Variants in HOXB2 observed in about 807,000 individuals in gnomAD.
HOXB2 encodes the protein homeobox B2.
Under a neutral mutation model 13.1 loss-of-function variants are expected in HOXB2, and 14 were observed. The observed-to-expected ratio is 1.07, with a 90% confidence interval of 0.71 to 1.67. The LOEUF (loss-of-function observed/expected upper bound fraction) is 1.67, where lower values mean the gene tolerates loss of function less well. Among genes scored for constraint, HOXB2 ranks in the 40% most tolerant of loss-of-function variants. HOXB2 has a pLI of 0.00. For missense variants in HOXB2, 582 were observed against 488.3 expected (o/e 1.19, Z -1.81); for synonymous variants, 261 against 233.1 (o/e 1.12, Z -1.09).
At position 48,543,738 on chromosome 17, in the gene HOXB2, C is replaced by A. The variant is rs1306709346; in HGVS notation, c.401G>T (p.Gly134Val). 6 of 1,599,584 alleles carry A rather than the reference C, an allele frequency of 3.8e-6. No homozygotes were observed. The highest frequency in any genetic ancestry group is 1.3e-5 in the African/African-American group (1 of 74,778). ...CCCGCCGCCACCAGCCTCCGGCAGT[C>A]CCAGGCCATCTGCAGGGAAAACAGG... is the stretch of plus-strand genomic sequence containing the variant. ...SGVGSPADGL[G>V]LPEAGGGGAR... is the part of the protein sequence containing the mutation. The change falls in exon 2 of 2, where the codon GGA (glycine) becomes GTA (valine). Residue 134 changes from glycine (G) to valine (V), a missense_variant. Coordinates refer to ENST00000330070, the MANE Select transcript of HOXB2 (RefSeq NM_002145.4).
Position 48,544,940 on chromosome 17 carries a change from T to TGGGGGGGGGGGGGGGGGTGGGGGGGGGGG in HOXB2, c.-30_-29insCCCCCCCCCCCACCCCCCCCCCCCCCCCC. 1 of 271,684 alleles carries TGGGGGGGGGGGGGGGGGTGGGGGGGGGGG rather than the reference T, an allele frequency of 3.7e-6. No homozygotes were observed. Among genetic ancestry groups the TGGGGGGGGGGGGGGGGGTGGGGGGGGGGG allele is most frequent in the East Asian group, 6.3e-5 (1 of 15,968 alleles). 16.8% of individuals were successfully genotyped at this position (271,684 alleles called of 1,614,324 possible). A position where few individuals can be genotyped will look rare whatever the true frequency, so the allele number is the denominator to read the frequency against. ...TTTCAATGGTGGGGGAGGGGGCTGC[T>TGGGGGGGGGGGGGGGGGTGGGGGGGGGGG]GGGGGGGGCGTCAGGAGGGAGGATC... is the stretch of plus-strand genomic sequence containing the variant. On this transcript the variant is annotated 5_prime_UTR_variant, in exon 1 of 2. Transcript: ENST00000330070.
chr17:48,544,974 CCCCCCTCCTGCA>C lies in HOXB2; in HGVS notation c.-75_-64del. On this transcript the variant is annotated 5_prime_UTR_variant, in exon 1 of 2. Coordinates refer to ENST00000330070, the MANE Select transcript of HOXB2 (RefSeq NM_002145.4). ...CGTCAGGAGGGAGGATCGGAAGGGA[CCCCCCTCCTGCA>C]CCCCCCCCGATTTATGTAATGGAGC... is the stretch of plus-strand genomic sequence containing the variant. 1 of 1,115,906 alleles carries C rather than the reference CCCCCCTCCTGCA, an allele frequency of 9.0e-7. No individual in the cohort carries two copies. The highest frequency in any genetic ancestry group is 1.2e-6 in the Non-Finnish European group (1 of 858,106). 69.1% of individuals were successfully genotyped at this position (1,115,906 alleles called of 1,614,324 possible).
At position 48,543,152 on chromosome 17, in the gene HOXB2, A is replaced by G; in HGVS notation, c.987T>C (p.Ser329=). ...SGGLSPSLQG[S]LDSPVPFSEE... is the part of the protein sequence containing the mutation. Reference sequence around the variant, plus strand: ...CGGAAAAAGGGACCGGGCTGTCGAGAGAACCCTGTAGGCTAGGGGAGAGGC... The same window carrying G: ...CGGAAAAAGGGACCGGGCTGTCGAGGGAACCCTGTAGGCTAGGGGAGAGGC... The change falls in exon 2 of 2, where the codon TCT becomes TCC. Residue 329 remains serine (S), a synonymous_variant. Transcript: ENST00000330070. 6.2e-7 allele frequency: 1 copy of G among 1,613,784 alleles called. No individual in the cohort carries two copies. The highest frequency in any genetic ancestry group is 8.5e-7 in the Non-Finnish European group (1 of 1,179,948).
Position 48,544,647 on chromosome 17 carries a change from C to A in HOXB2, c.265G>T (p.Ala89Ser). 1 of 1,611,880 alleles carries A rather than the reference C, an allele frequency of 6.2e-7. No individual in the cohort carries two copies. Among genetic ancestry groups the A allele is most frequent in the African/African-American group, 1.3e-5 (1 of 74,988 alleles). Reference protein sequence around the residue: ...PPPPPPPLPAAPPAPEFPWMK... With the variant: ...PPPPPPPLPASPPAPEFPWMK... ...CAAGGGAACTCGGGGGCCGGGGGGGCAGCGGGGAGTGGCGGCGGCGGTGGC... is the reference window on the plus strand; with the variant it reads ...CAAGGGAACTCGGGGGCCGGGGGGGAAGCGGGGAGTGGCGGCGGCGGTGGC... Residue 89 changes from alanine to serine, a missense_variant, in exon 1 of 2, where the codon GCC becomes TCC. By Grantham distance (99) the Ala-to-Ser change is moderately conservative. Coordinates refer to ENST00000330070, the MANE Select transcript of HOXB2 (RefSeq NM_002145.4).
Position 48,543,360 on chromosome 17 carries a change from G to C in HOXB2, c.779C>G (p.Pro260Arg), listed in dbSNP as rs1317880704. Reference protein sequence around the residue: ...EVVPGALSADPRPLAVRLEGA... With the variant: ...EVVPGALSADRRPLAVRLEGA... ...CTCTAAGCGAACGGCTAAAGGCCGGGGGTCCGCGCTTAAGGCCCCCGGCAC... is the reference window on the plus strand; with the variant it reads ...CTCTAAGCGAACGGCTAAAGGCCGGCGGTCCGCGCTTAAGGCCCCCGGCAC... The change falls in exon 2 of 2, where the codon CCC becomes CGC. Residue 260 changes from proline (P) to arginine (R), a missense_variant. Physicochemically the swap from Pro to Arg is moderately radical, Grantham distance 103. Transcript: ENST00000330070. 6.3e-7 allele frequency: 1 copy of C among 1,593,776 alleles called. No homozygotes were observed. Among genetic ancestry groups the C allele is most frequent in the South Asian group, 1.1e-5 (1 of 90,152 alleles).
Position 48,545,067 on chromosome 17 carries a change from A to C in HOXB2, c.-156T>G. On this transcript the variant is annotated 5_prime_UTR_variant, in exon 1 of 2. Transcript: ENST00000330070. ...TTTTTTTTAATTTTGGGCCTTTATA[A>C]TTGTATATTGCTGATAAATACAAGC... is the stretch of plus-strand genomic sequence containing the variant. The C allele has an allele frequency of 1.6e-6, 1 of 614,738 alleles. No individual in the cohort carries two copies. Among genetic ancestry groups the C allele is most frequent in the Non-Finnish European group, 2.8e-6 (1 of 361,460 alleles). 38.1% of individuals were successfully genotyped at this position (614,738 alleles called of 1,614,324 possible).
chr17:48,543,640 A>G lies in HOXB2; in HGVS notation c.499T>C (p.Tyr167His). ...ELEKEFHFNK[Y>H]LCRPRRVEIA... ...TCGACGCGGCGTGGCCGGCACAGGT[A>G]CTTATTAAAGTGGAATTCCTTCTCC... The change falls in exon 2 of 2, where the codon TAC becomes CAC. Residue 167 changes from tyrosine to histidine, a missense_variant. By Grantham distance (83) the Tyr-to-His change is moderately conservative (BLOSUM62 2). Coordinates refer to ENST00000330070, the MANE Select transcript of HOXB2 (RefSeq NM_002145.4). 1 of 1,613,502 alleles carries G rather than the reference A, an allele frequency of 6.2e-7. No individual in the cohort carries two copies. Among genetic ancestry groups the G allele is most frequent in the Non-Finnish European group, 8.5e-7 (1 of 1,179,940 alleles).
intron 1 of HOXB2, 33 bp from the exon 2 acceptor site, chr17:48,543,780 G>A (rs758004035): frequency 6.4e-7 from 1 of 1,556,180 alleles, no homozygotes; most frequent in Non-Finnish European, 8.7e-7. Context: ...GTCATAGCGG[G>A]CCGTGTACTC....
Position 48,543,105 on chromosome 17 carries a change from G to A in HOXB2, c.1034C>T (p.Thr345Ile). Residue 345 changes from threonine to isoleucine, a missense_variant, in exon 2 of 2, where the codon ACC becomes ATC. By Grantham distance (89) the Thr-to-Ile change is moderately conservative. Coordinates refer to ENST00000330070, the MANE Select transcript of HOXB2 (RefSeq NM_002145.4). ...CAGGTCGATGGCACAGAGCGTACTGGTGAAAAAATCCAGCTCTTCCTCGGA... is the reference window on the plus strand; with the variant it reads ...CAGGTCGATGGCACAGAGCGTACTGATGAAAAAATCCAGCTCTTCCTCGGA... ...PFSEEELDFF[T>I]STLCAIDLQF... 1.2e-6 allele frequency: 2 copies of A among 1,612,888 alleles called. No homozygotes were observed. The highest frequency in any genetic ancestry group is 1.7e-6 in the Non-Finnish European group (2 of 1,179,690).
chr17:48,543,362 G>T lies in HOXB2; in HGVS notation c.777C>A (p.Asp259Glu), dbSNP rs1041078334. ...PEVVPGALSA[D>E]PRPLAVRLEG... ...CTAAGCGAACGGCTAAAGGCCGGGG[G>T]TCCGCGCTTAAGGCCCCCGGCACCA... The change falls in exon 2 of 2, where the codon GAC (aspartate) becomes GAA (glutamate). Residue 259 changes from aspartate (D) to glutamate (E), a missense_variant. Transcript: ENST00000330070. The T allele has an allele frequency of 1.0e-5, 16 of 1,593,014 alleles. No individual in the cohort carries two copies. Among genetic ancestry groups the T allele is most frequent in the Admixed American group, 3.5e-5 (2 of 57,372 alleles).
At position 48,543,373 on chromosome 17, in the gene HOXB2, A is replaced by C. The variant is rs755243637; in HGVS notation, c.766T>G (p.Leu256Val). The change falls in exon 2 of 2, where the codon TTA (leucine) becomes GTA (valine). Residue 256 changes from leucine to valine, a missense_variant. Physicochemically the swap from Leu to Val is conservative, Grantham distance 32. Coordinates refer to ENST00000330070, the MANE Select transcript of HOXB2 (RefSeq NM_002145.4). ...CHPPEVVPGALSADPRPLAVR... is the reference protein window; with the variant it reads ...CHPPEVVPGAVSADPRPLAVR... ...GCTAAAGGCCGGGGGTCCGCGCTTA[A>C]GGCCCCCGGCACCACCTCCGGCGGG... 1 of 1,589,550 alleles carries C rather than the reference A, an allele frequency of 6.3e-7. No homozygotes were observed. The highest frequency in any genetic ancestry group is 1.1e-5 in the South Asian group (1 of 89,734).
At chr17:48,543,866 GC>G in intron 1 of HOXB2, 119 bp from the exon 2 acceptor site, 1 of 673,958 alleles carries the variant, frequency 1.5e-6, no homozygotes, top group Non-Finnish European at 2.1e-6. Context: ...CCCCACCCCC[GC>G]CCCCACCCCA....
rs1258607882 is a variant in HOXB2, at chr17:48,543,021, A to G, written c.*47T>C. 4 of 1,476,966 alleles carry G rather than the reference A, an allele frequency of 2.7e-6. No individual in the cohort carries two copies. The allele number at this position is 1,476,966 out of a possible 1,614,324, so 91.5% of individuals were successfully genotyped here. A position where few individuals can be genotyped will look rare whatever the true frequency, so the allele number is the denominator to read the frequency against. ...GGGAGAGGCTCGATTTTTCCAGTAG[A>G]CGGCCAAGGAGCGCGGGGGTCGAAA... On this transcript the variant is annotated 3_prime_UTR_variant, in exon 2 of 2. Transcript: ENST00000330070.
Position 48,544,641 on chromosome 17 carries a change from G to A in HOXB2, c.271C>T (p.Pro91Ser), listed in dbSNP as rs1363454356. Residue 91 changes from proline to serine, a missense_variant, in exon 1 of 2, where the codon CCG (proline) becomes TCG (serine). By Grantham distance (74) the Pro-to-Ser change is moderately conservative. Coordinates refer to ENST00000330070, the MANE Select transcript of HOXB2 (RefSeq NM_002145.4). ...PPPPPLPAAP[P>S]APEFPWMKEK... is the part of the protein sequence containing the mutation. ...TTCATCCAAGGGAACTCGGGGGCCGGGGGGGCAGCGGGGAGTGGCGGCGGC... is the reference window on the plus strand; with the variant it reads ...TTCATCCAAGGGAACTCGGGGGCCGAGGGGGCAGCGGGGAGTGGCGGCGGC... The A allele has an allele frequency of 6.2e-7, 1 of 1,612,040 alleles. No individual in the cohort carries two copies. Among genetic ancestry groups the A allele is most frequent in the Non-Finnish European group, 8.5e-7 (1 of 1,179,526 alleles).
At position 48,543,609 on chromosome 17, in the gene HOXB2, G is replaced by A; in HGVS notation, c.530C>T (p.Ala177Val). 1.2e-6 allele frequency: 2 copies of A among 1,613,638 alleles called. No homozygotes were observed. The highest frequency in any genetic ancestry group is 1.7e-6 in the Non-Finnish European group (2 of 1,179,992). ...YLCRPRRVEI[A>V]ALLDLTERQV... ...CCTTTCGGTGAGGTCCAGCAAGGCC[G>A]CGATCTCGACGCGGCGTGGCCGGCA... The change falls in exon 2 of 2, where the codon GCG becomes GTG. Residue 177 changes from alanine (A) to valine (V), a missense_variant. Physicochemically the swap from Ala to Val is moderately conservative, Grantham distance 64. Transcript: ENST00000330070.
chr17:48,542,866 T>C lies in HOXB2; in HGVS notation c.*202A>G, dbSNP rs1433115511. 15 of 417,754 alleles carry C rather than the reference T, an allele frequency of 3.6e-5. No individual in the cohort carries two copies. The East Asian group carries it at 5.4e-4, about 15-fold the overall frequency. The allele number at this position is 417,754 out of a possible 1,614,324, so 25.9% of individuals were successfully genotyped here. On this transcript the variant is annotated 3_prime_UTR_variant, in exon 2 of 2. Transcript: ENST00000330070. ...TTGGAAGGAGTCTACCAAACGGAATTTTTCTGTGTGAATTTTAAAAGATAA... is the reference window on the plus strand; with the variant it reads ...TTGGAAGGAGTCTACCAAACGGAATCTTTCTGTGTGAATTTTAAAAGATAA...
In HOXB2 at chr17:48,542,851, T is replaced by C. The variant is rs1019876315; in HGVS notation, c.*217A>G. 25 of 398,594 alleles carry C rather than the reference T, an allele frequency of 6.3e-5. No homozygotes were observed. Among genetic ancestry groups the C allele is most frequent in the Middle Eastern group, 6.4e-4 (1 of 1,556 alleles). 24.7% of individuals were successfully genotyped at this position (398,594 alleles called of 1,614,324 possible). A position where few individuals can be genotyped will look rare whatever the true frequency, so the allele number is the denominator to read the frequency against. On this transcript the variant is annotated 3_prime_UTR_variant, in exon 2 of 2. Transcript: ENST00000330070. ...ATTCCTGAGATTTCATTGGAAGGAGTCTACCAAACGGAATTTTTCTGTGTG... is the reference window on the plus strand; with the variant it reads ...ATTCCTGAGATTTCATTGGAAGGAGCCTACCAAACGGAATTTTTCTGTGTG...
Position 48,543,622 on chromosome 17 carries a change from G to A in HOXB2, c.517C>T (p.Arg173Cys), listed in dbSNP as rs371803474. Residue 173 changes from arginine (R) to cysteine (C), a missense_variant, in exon 2 of 2, where the codon CGC (arginine) becomes TGC (cysteine). By Grantham distance (180) the Arg-to-Cys change is radical (BLOSUM62 -3). Coordinates refer to ENST00000330070, the MANE Select transcript of HOXB2 (RefSeq NM_002145.4). The part of the protein sequence containing the change: ...HFNKYLCRPR[R>C]VEIAALLDLT... Reference sequence around the variant, plus strand: ...TCCAGCAAGGCCGCGATCTCGACGCGGCGTGGCCGGCACAGGTACTTATTA... The same window carrying A: ...TCCAGCAAGGCCGCGATCTCGACGCAGCGTGGCCGGCACAGGTACTTATTA... The A allele has an allele frequency of 3.1e-6, 5 of 1,613,516 alleles. No homozygotes were observed. In the East Asian group the frequency reaches 6.7e-5, roughly 22 times the overall value.
chr17:48,544,529 G>T lies in HOXB2; in HGVS notation c.383C>A (p.Ser128Ter). The change falls in exon 1 of 2, where the codon TCG becomes TAG. Residue 128 changes from serine to a stop codon, truncating the protein, a stop_gained. Transcript: ENST00000330070. LOFTEE classifies it low-confidence loss of function (END_TRUNC). ...CCACCACGCTTACCGACCTGCAGGCGATCCGACCCCGGAGGCCGGAACGGC... is the reference window on the plus strand; with the variant it reads ...CCACCACGCTTACCGACCTGCAGGCTATCCGACCCCGGAGGCCGGAACGGC... The part of the protein sequence containing the change: ...ASAVPASGVG[S>*]PADGLGLPEA... The T allele has an allele frequency of 6.2e-7, 1 of 1,603,456 alleles. No homozygotes were observed.
Sources: gnomAD v4.1 joint callset for allele counts on GRCh38, gnomAD v4.1.1 for gene constraint, MANE v1.5 for transcripts, NCBI Gene and HGNC (gene_info 2026-07-23, HGNC 2026-07-21) for gene names.